Variants in TRIP4 observed in about 807,000 individuals in gnomAD.
TRIP4 encodes the protein thyroid hormone receptor interactor 4.
TRIP4 carries 54 observed loss-of-function variants against 81.8 expected under a neutral mutation model. That is an observed-to-expected ratio of 0.66 (90% CI 0.53 to 0.83). The LOEUF (loss-of-function observed/expected upper bound fraction) is 0.83. Ranked by LOEUF, TRIP4 falls within the 40% of genes least tolerant of loss-of-function variation. TRIP4 has a pLI of 0.00. For missense variants in TRIP4, 662 were observed against 683.6 expected (o/e 0.97, Z 0.35); for synonymous variants, 270 against 242.8 (o/e 1.11, Z -1.04).
In TRIP4 at chr15:64,393,980, C is replaced by T. The variant is rs553667435; in HGVS notation, c.136C>T (p.Arg46Ter). The T allele has an allele frequency of 7.5e-6, 12 of 1,605,424 alleles. No individual in the cohort carries two copies. The highest frequency in any genetic ancestry group is 2.2e-5 in the South Asian group (2 of 89,354). Reference protein sequence around the residue: ...VLSIESAEEIREYVTDLLQGN... With the variant: ...VLSIESAEEI ...GTCAATTGAGAGTGCTGAAGAGATA[C>T]GAGAATATGTTACTGATCTCCTCCA... The change falls in exon 2 of 13, where the codon CGA becomes TGA. Residue 46 changes from arginine to a stop codon, truncating the protein, a stop_gained. Coordinates refer to ENST00000261884, the MANE Select transcript of TRIP4 (RefSeq NM_016213.5). LOFTEE classifies it high-confidence loss of function.
At chr15:64,448,899 T>C (rs537785096) in intron 12 of TRIP4, among the ~76,000 whole-genome samples, 1 of 152,274 alleles carries the variant, frequency 6.6e-6, no homozygotes, top group South Asian at 2.1e-4. Flanking sequence ...ATGAAGTGAT[T>C]AAGTTTAATA....
At chr15:64,389,791 G>A (rs367848513) in intron 1 of TRIP4, among the ~76,000 whole-genome samples, 45 of 140,488 alleles carry the variant, frequency 3.2e-4, no homozygotes, top group African/African-American at 1.2e-3. Context: ...TGCAACCTCC[G>A]CCTCCCACGT....
chr15:64,452,990 A>T (rs918956714), intron 12 of TRIP4, among the ~76,000 whole-genome samples: 1 of 152,058 alleles, frequency 6.6e-6, no homozygotes, highest in Non-Finnish European at 1.5e-5. Context: ...TTCAAGACCA[A>T]CTTGGCCAAC....
intron 3 of TRIP4, among the ~76,000 whole-genome samples, chr15:64,396,796 T>G (rs1900308602): frequency 6.6e-6 from 1 of 152,254 alleles, no homozygotes; most frequent in Non-Finnish European, 1.5e-5. Flanking sequence ...ATCTAGGAGT[T>G]GAATTGCTGT....
At position 64,394,133 on chromosome 15, in the gene TRIP4, T is replaced by C. The variant is rs752607709; in HGVS notation, c.271+18T>C. On this transcript the variant is annotated intron_variant, in intron 2 of 12. Coordinates refer to ENST00000261884, the MANE Select transcript of TRIP4 (RefSeq NM_016213.5). The stretch of plus-strand genomic sequence containing the variant: ...AAAAGATGGTAAGTTAATGTAATTA[T>C]GCAAATGTTGAAATATTGGTAAGTG... The C allele has an allele frequency of 7.7e-5, 120 of 1,559,800 alleles. No homozygotes were observed. Among genetic ancestry groups the C allele is most frequent in the Middle Eastern group, 7.1e-4 (4 of 5,616 alleles).
chr15:64,398,939 CTTTTTTTTT>C (rs71133424), intron 4 of TRIP4, among the ~76,000 whole-genome samples: 3 of 79,252 alleles, frequency 3.8e-5, no homozygotes, highest in African/African-American at 1.0e-4. Flanking sequence ...TTCTTTTTTC[CTTTTTTTTT>C]TTTTTTTTTT....
intron 10 of TRIP4, 77 bp downstream of exon 10, chr15:64,424,232 C>A: frequency 6.3e-7 from 1 of 1,577,242 alleles, no homozygotes; most frequent in South Asian, 1.2e-5. Flanking sequence ...TCACTTCCTT[C>A]TTTCTTTGGC....
chr15:64,405,103 T>C (rs1187999227), intron 5 of TRIP4, among the ~76,000 whole-genome samples: 1 of 152,138 alleles, frequency 6.6e-6, no homozygotes, highest in Non-Finnish European at 1.5e-5. Flanking sequence ...ATGTTGGCTT[T>C]AGAGTTATAC....
chr15:64,410,688 C>G (rs1282650767), intron 7 of TRIP4, among the ~76,000 whole-genome samples: 1 of 151,936 alleles, frequency 6.6e-6, no homozygotes, highest in Non-Finnish European at 1.5e-5. Context: ...TGATAAAGCT[C>G]TTCCTAAGCA....
intron 6 of TRIP4, among the ~76,000 whole-genome samples, chr15:64,407,009 G>T (rs1054588910): frequency 7.2e-5 from 11 of 152,106 alleles, no homozygotes; most frequent in African/African-American, 2.4e-4. Flanking sequence ...TTAGGAGATA[G>T]ATTTATGATA....
chr15:64,392,104 G>A (rs986345297), intron 1 of TRIP4, among the ~76,000 whole-genome samples: 18 of 149,130 alleles, frequency 1.2e-4, no homozygotes, highest in South Asian at 4.3e-4. Context: ...GTGAAACCCC[G>A]TCTCTACTAA....
intron 1 of TRIP4, among the ~76,000 whole-genome samples, chr15:64,390,178 G>A (rs1596332553): frequency 6.7e-6 from 1 of 149,146 alleles, no homozygotes. Flanking sequence ...AAAGATTGAG[G>A]TGGCCAGGCG....
chr15:64,417,086 C>T (rs1177421856), intron 8 of TRIP4, among the ~76,000 whole-genome samples: 2 of 152,164 alleles, frequency 1.3e-5, no homozygotes, highest in African/African-American at 2.4e-5. Context: ...TAGCTCACTG[C>T]AGCCTCCACC....
chr15:64,408,566 A>T (rs1891686490), intron 6 of TRIP4, among the ~76,000 whole-genome samples: 1 of 151,868 alleles, frequency 6.6e-6, no homozygotes, highest in Admixed American at 6.6e-5. Context: ...GGCTGACAAA[A>T]TTTTTTTATA....
At chr15:64,398,145 C>G (rs1204571038) in intron 4 of TRIP4, among the ~76,000 whole-genome samples, 8 of 152,202 alleles carry the variant, frequency 5.3e-5, no homozygotes, top group Non-Finnish European at 8.8e-5. Flanking sequence ...TTGTGATCCG[C>G]CCACCTCGGC....
rs183163279 is a variant in TRIP4 at position 64,419,827 on chromosome 15, T to G, written c.1358+1099T>G. 6.7e-3 allele frequency among the ~76,000 whole-genome samples: 1,017 copies of G among 151,974 alleles called. 9 individuals carry two copies. Among genetic ancestry groups the G allele is most frequent in the South Asian group, 0.028 (133 of 4,792 alleles). ...CATTTTGGAGTGTTTCTATCTTTCTTTTTTTTGAGACAGAGTCTTGCTCTG... is the reference window on the plus strand; with the variant it reads ...CATTTTGGAGTGTTTCTATCTTTCTGTTTTTTGAGACAGAGTCTTGCTCTG... On this transcript the variant is annotated intron_variant, in intron 9 of 12. Coordinates refer to ENST00000261884, the MANE Select transcript of TRIP4 (RefSeq NM_016213.5).
rs1271989224 is a variant in TRIP4 at position 64,455,083 on chromosome 15, A to G, written c.*19A>G. ...TGTCTGACCCAGGAGAAAAGGAACT[A>G]TACAGCATAGTGGAGTTTTGTGTAC... On this transcript the variant is annotated 3_prime_UTR_variant, in exon 13 of 13. Coordinates refer to ENST00000261884, the MANE Select transcript of TRIP4 (RefSeq NM_016213.5). The G allele has an allele frequency of 3.1e-6, 5 of 1,612,208 alleles. No homozygotes were observed. In the African/African-American group the frequency reaches 5.3e-5, roughly 17 times the overall value.
intron 11 of TRIP4, among the ~76,000 whole-genome samples, chr15:64,431,831 T>TTATAATATATATATATATATATATATA (rs1892276496): frequency 4.7e-5 from 2 of 42,408 alleles, no homozygotes; most frequent in African/African-American, 9.1e-5. Context: ...ACCATTTATA[T>TTATAATATATATATATATATATATATA]TATATATATA....
rs141545012 is a variant in TRIP4, at chr15:64,424,146, C to A, written c.1474C>A (p.Arg492Ser). Residue 492 changes from arginine (R) to serine (S), a missense_variant, in exon 10 of 13, where the codon CGT (arginine) becomes AGT (serine). By Grantham distance (110) the Arg-to-Ser change is moderately radical. Coordinates refer to ENST00000261884, the MANE Select transcript of TRIP4 (RefSeq NM_016213.5). ...SELQATYRLLRGKDVEFPNDY... is the reference protein window; with the variant it reads ...SELQATYRLLSGKDVEFPNDY... The stretch of plus-strand genomic sequence containing the variant: ...ACTCCAGGCTACATATCGTCTTCTT[C>A]GTGGGAAAGGTAACAGCCGCATATT... 1 of 1,614,110 alleles carries A rather than the reference C, an allele frequency of 6.2e-7. No individual in the cohort carries two copies. Among genetic ancestry groups the A allele is most frequent in the Admixed American group, 1.7e-5 (1 of 60,008 alleles).
Sources: allele counts gnomAD v4.1 joint callset (sites outside exome capture counted in the v4.1 genomes callset), GRCh38; gene constraint gnomAD v4.1.1; transcripts MANE v1.5; gene names NCBI Gene and HGNC (gene_info 2026-07-23, HGNC 2026-07-21).